Variants in OPHN1 observed in about 807,000 individuals in gnomAD.
OPHN1 encodes oligophrenin-1.
OPHN1 carries 11 observed loss-of-function variants against 60.7 expected under a neutral mutation model. That is an observed-to-expected ratio of 0.18 (90% CI 0.11 to 0.30). The LOEUF is 0.30. Among genes scored for constraint, OPHN1 ranks in the 10% least tolerant of loss-of-function variants. The pLI is 1.00. For missense variants in OPHN1, 449 were observed against 611.0 expected (o/e 0.73, Z 2.80); for synonymous variants, 226 against 222.6 (o/e 1.02, Z -0.14).
At chrX:68,337,796 CAA>C (rs757328395) in intron 2 of OPHN1, among the ~76,000 whole-genome samples, 30 of 62,761 alleles carry the variant, frequency 4.8e-4, no homozygotes, top group East Asian at 4.8e-3. Context: ...CACTCCAAAC[CAA>C]AAAAAAAAAA....
Position 68,064,004 on chromosome X carries a change from C to G in OPHN1, c.2008G>C (p.Val670Leu). ...GKLEPCPEVD[V>L]GKLVSRLQDG... ...TGCAGCCTAGACACCAACTTCCCCACGTCCACCTCTGGGCAGGGCTCCAAC... is the reference window on the plus strand; with the variant it reads ...TGCAGCCTAGACACCAACTTCCCCAGGTCCACCTCTGGGCAGGGCTCCAAC... The change falls in exon 21 of 25, where the codon GTG becomes CTG. Residue 670 changes from valine (V) to leucine (L), a missense_variant. By Grantham distance (32) the Val-to-Leu change is conservative. This residue lies in a region of OPHN1 where 184 missense variants were observed against 160.5 expected (regional missense o/e 1.15). Coordinates refer to ENST00000355520, the MANE Select transcript of OPHN1 (RefSeq NM_002547.3). 1 of 1,210,182 alleles carries G rather than the reference C, an allele frequency of 8.3e-7. No individual in the cohort carries two copies. The highest frequency in any genetic ancestry group is 1.1e-6 in the Non-Finnish European group (1 of 895,014).
At chrX:68,164,069 G>A (rs2077347584) in intron 15 of OPHN1, among the ~76,000 whole-genome samples, 1 of 111,393 alleles carries the variant, frequency 9.0e-6, no homozygotes, top group Non-Finnish European at 1.9e-5. Flanking sequence ...GGTCATATGA[G>A]GTGGGTACTA....
At chrX:68,280,945 T>C (rs1371227141) in intron 4 of OPHN1, among the ~76,000 whole-genome samples, 2 of 111,730 alleles carry the variant, frequency 1.8e-5, no homozygotes, top group Non-Finnish European at 3.8e-5. Flanking sequence ...AAAAAAGATA[T>C]AAATAAATGG....
chrX:68,242,160 A>G (rs1444522230), intron 5 of OPHN1, among the ~76,000 whole-genome samples: 1 of 103,051 alleles, frequency 9.7e-6, no homozygotes, highest in Non-Finnish European at 2.0e-5. Context: ...CTAAAGCAGA[A>G]GGATCGCTTG....
intron 5 of OPHN1, among the ~76,000 whole-genome samples, chrX:68,246,490 T>C (rs1486528110): frequency 9.0e-6 from 1 of 111,378 alleles, no homozygotes; most frequent in Admixed American, 9.6e-5. Context: ...TAGGTGAGGA[T>C]AAAGAGGAGT....
At chrX:68,132,896 T>C in intron 15 of OPHN1, 1 of 341,508 alleles carries the variant, frequency 2.9e-6, no homozygotes, top group South Asian at 4.4e-5. Flanking sequence ...AAGCGGCCCA[T>C]GGACTTCGGT....
At position 68,078,984 on chromosome X, in the gene OPHN1, AAAATAAATAAAT is replaced by A. The variant is rs373187258; in HGVS notation, c.1687-5697_1687-5686del. The stretch of plus-strand genomic sequence containing the variant: ...CTGGACAACAGAGCAAGACTGTCTC[AAAATAAATAAAT>A]AAATAAATAAATAAATAAATAAATA... On this transcript the variant is annotated intron_variant, in intron 19 of 24. Transcript: ENST00000355520. Among the ~76,000 whole-genome samples, 111 of 102,033 alleles carry A rather than the reference AAAATAAATAAAT, an allele frequency of 1.1e-3. 1 individual carries two copies. In the East Asian group the frequency reaches 0.014, roughly 13 times the overall value. 88.6% of individuals were successfully genotyped at this position (102,033 alleles called of 115,157 possible).
intron 22 of OPHN1, among the ~76,000 whole-genome samples, chrX:68,052,806 AGAATGGTCT>A (rs1459024522): frequency 8.9e-6 from 1 of 112,636 alleles, no homozygotes; most frequent in East Asian, 2.8e-4. Flanking sequence ...CCATTGCTTC[AGAATGGTCT>A]GAGTATGTTG....
intron 2 of OPHN1, among the ~76,000 whole-genome samples, chrX:68,315,348 T>A (rs1281847623): frequency 1.8e-5 from 2 of 111,318 alleles, no homozygotes; most frequent in Admixed American, 1.9e-4. Context: ...AGAAACATAC[T>A]CATCTCGATT....
At chrX:68,222,600 T>TA (rs1460256761) in intron 6 of OPHN1, among the ~76,000 whole-genome samples, 3 of 106,063 alleles carry the variant, frequency 2.8e-5, no homozygotes, top group African/African-American at 6.8e-5. Context: ...TATGCAGCCA[T>TA]AAAAAATGTG....
chrX:68,391,333 TTC>T (rs779132563), intron 2 of OPHN1, among the ~76,000 whole-genome samples: 1 of 111,931 alleles, frequency 8.9e-6, no homozygotes, highest in African/African-American at 3.2e-5. Flanking sequence ...TTTTGTGTTT[TTC>T]TCTTTTTTTG....
intron 3 of OPHN1, among the ~76,000 whole-genome samples, chrX:68,289,161 T>C (rs911045001): frequency 9.0e-6 from 1 of 110,995 alleles, no homozygotes; most frequent in Non-Finnish European, 1.9e-5. Flanking sequence ...TCATCAATAA[T>C]AGCAACATCC....
chrX:68,384,308 C>T (rs954583941), intron 2 of OPHN1, among the ~76,000 whole-genome samples: 1 of 111,531 alleles, frequency 9.0e-6, no homozygotes, highest in African/African-American at 3.3e-5. Context: ...TTCCATATTC[C>T]ACCACCTTTT....
intron 18 of OPHN1, among the ~76,000 whole-genome samples, chrX:68,103,845 T>G (rs1456351139): frequency 9.0e-6 from 1 of 111,355 alleles, no homozygotes; most frequent in Non-Finnish European, 1.9e-5. Context: ...GAGAAAGAAA[T>G]AAAGGGTATT....
intron 6 of OPHN1, among the ~76,000 whole-genome samples, chrX:68,216,579 T>TA (rs1295301520): frequency 3.6e-5 from 4 of 109,660 alleles, no homozygotes; most frequent in Middle Eastern, 9.4e-3. Flanking sequence ...ATTGGCCTAA[T>TA]AAAAAAAAAT....
At chrX:68,308,476 T>C (rs1049970679) in intron 2 of OPHN1, among the ~76,000 whole-genome samples, 13 of 108,653 alleles carry the variant, frequency 1.2e-4, no homozygotes, top group Admixed American at 1.2e-3. Context: ...CCTGTGGTTC[T>C]AGCTACTCAG....
intron 2 of OPHN1, among the ~76,000 whole-genome samples, chrX:68,357,815 G>A (rs1315289849): frequency 9.0e-6 from 1 of 110,805 alleles, no homozygotes; most frequent in Non-Finnish European, 1.9e-5. Context: ...CTAGATCCCT[G>A]AGGAATCGCC....
At chrX:68,164,124 T>C (rs990162113) in intron 15 of OPHN1, among the ~76,000 whole-genome samples, 1 of 111,481 alleles carries the variant, frequency 9.0e-6, no homozygotes, top group Non-Finnish European at 1.9e-5. Flanking sequence ...CTACATTAAA[T>C]AATGTGTCCA....
At chrX:68,175,410 C>A (rs746041103) in intron 15 of OPHN1, among the ~76,000 whole-genome samples, 1 of 110,787 alleles carries the variant, frequency 9.0e-6, no homozygotes, top group South Asian at 3.8e-4. Context: ...AATGTAACTA[C>A]TTAAACCAAA....
Sources: gnomAD v4.1 joint callset for allele counts (sites outside exome capture counted in the v4.1 genomes callset) on GRCh38, gnomAD v4.1.1 for gene constraint, gnomAD v4.1.1 regional missense constraint, MANE v1.5 for transcripts, NCBI Gene and HGNC (gene_info 2026-07-23, HGNC 2026-07-21) for gene names.